The following ZNF438 variants were observed in gnomAD, a reference collection of about 807,000 sequenced individuals.
The protein encoded by ZNF438 is zinc finger protein 438.
Under a neutral mutation model 38.0 loss-of-function variants are expected in ZNF438, and 25 were observed. The ratio of observed to expected loss-of-function variants is 0.66; its 90% confidence interval spans 0.48 to 0.92. The LOEUF is 0.92. ZNF438 is among the 40% of genes least tolerant of loss of function. The probability of loss-of-function intolerance (pLI) is 0.00; values close to 1 mark genes in which losing one functional copy is unlikely to be tolerated. For synonymous variants in ZNF438, 372 were observed against 364.1 expected, an observed-to-expected ratio of 1.02 and a Z score of -0.25; for missense variants, 1,007 against 999.6, an observed-to-expected ratio of 1.01 and a Z score of -0.10.
intron 4 of ZNF438, among the ~76,000 whole-genome samples, chr10:30,854,156 A>G (rs182588965): frequency 0.037 from 5,586 of 152,132 alleles, 158 homozygotes; most frequent in Non-Finnish European, 0.061. Flanking sequence ...CGTCTCTACT[A>G]AAAATACAAA....
At chr10:30,915,744 A>G (rs984627946) in intron 2 of ZNF438, among the ~76,000 whole-genome samples, 5 of 152,212 alleles carry the variant, frequency 3.3e-5, no homozygotes, top group Middle Eastern at 3.4e-3. Context: ...TGAAGTTGCA[A>G]GAAAATATAT....
At chr10:30,995,139 A>G (rs377295931) in intron 1 of ZNF438, among the ~76,000 whole-genome samples, 28 of 152,282 alleles carry the variant, frequency 1.8e-4, no homozygotes, top group Admixed American at 1.3e-3. Context: ...GAATCTACAC[A>G]TCCCCCAAGG....
At chr10:30,951,183 T>A (rs2048146614) in intron 1 of ZNF438, among the ~76,000 whole-genome samples, 1 of 151,548 alleles carries the variant, frequency 6.6e-6, no homozygotes, top group East Asian at 1.9e-4. Context: ...AAAAAGCCTT[T>A]GACAAAATTC....
intron 2 of ZNF438, among the ~76,000 whole-genome samples, chr10:30,912,051 A>G (rs2043135401): frequency 6.6e-6 from 1 of 152,096 alleles, no homozygotes; most frequent in Non-Finnish European, 1.5e-5. Flanking sequence ...TTTTAAACAA[A>G]CCCTAGTCTC....
chr10:31,023,408 A>G (rs1476108193), intron 1 of ZNF438, among the ~76,000 whole-genome samples: 1 of 152,222 alleles, frequency 6.6e-6, no homozygotes, highest in Non-Finnish European at 1.5e-5. Flanking sequence ...ATTTCCACAA[A>G]TAATATATTA....
intron 3 of ZNF438, among the ~76,000 whole-genome samples, chr10:30,883,274 T>C (rs2039510476): frequency 6.6e-6 from 1 of 152,180 alleles, no homozygotes; most frequent in African/African-American, 2.4e-5. Flanking sequence ...TGTATTATAG[T>C]TGGTACAAAC....
intron 1 of ZNF438, among the ~76,000 whole-genome samples, chr10:30,977,386 G>A (rs886836050): frequency 3.3e-5 from 5 of 152,202 alleles, no homozygotes; most frequent in African/African-American, 4.8e-5. Context: ...GGTGACAGGG[G>A]AAGGTGTGTT....
At chr10:30,876,974 AT>A in intron 4 of ZNF438, 23 bp downstream of exon 5, 2 of 1,597,850 alleles carry the variant, frequency 1.3e-6, no homozygotes. Context: ...ACTCATCACC[AT>A]TTTCCTCAGC....
intron 1 of ZNF438, among the ~76,000 whole-genome samples, chr10:30,987,465 C>T (rs149574419): frequency 1.2e-4 from 18 of 151,858 alleles, no homozygotes; most frequent in Admixed American, 9.8e-4. Context: ...ATCAACATAA[C>T]GGATGATTTT....
chr10:30,849,981 G>A lies in ZNF438; in HGVS notation c.424C>T (p.Pro142Ser), dbSNP rs1003844607. 9 of 1,614,006 alleles carry A rather than the reference G, an allele frequency of 5.6e-6. No homozygotes were observed. Among genetic ancestry groups the A allele is most frequent in the Non-Finnish European group, 7.6e-6 (9 of 1,180,008 alleles). Residue 142 changes from proline to serine, a missense_variant, in exon 5 of 6, where the codon CCT (proline) becomes TCT (serine). Transcript: ENST00000413025. Reference sequence around the variant, plus strand: ...GGAGCTTTGCTACAGCCACTCTTAGGAAAGATCAGGATGGGTTTCTTTCTT... The same window carrying A: ...GGAGCTTTGCTACAGCCACTCTTAGAAAAGATCAGGATGGGTTTCTTTCTT...
chr10:31,011,875 T>C (rs1292434709), intron 1 of ZNF438, among the ~76,000 whole-genome samples: 3 of 152,222 alleles, frequency 2.0e-5, no homozygotes, highest in Non-Finnish European at 2.9e-5. Flanking sequence ...AATAGAATCC[T>C]AGGTCCTTAT....
chr10:30,963,495 C>T (rs903462628), intron 1 of ZNF438, among the ~76,000 whole-genome samples: 87 of 151,536 alleles, frequency 5.7e-4, no homozygotes, highest in African/African-American at 2.1e-3. Flanking sequence ...CACCTATCTA[C>T]GTGTAAAAAA....
chr10:31,028,856 T>C (rs959921151), intron 1 of ZNF438, among the ~76,000 whole-genome samples: 2 of 152,082 alleles, frequency 1.3e-5, no homozygotes, highest in Non-Finnish European at 2.9e-5. Context: ...GAACCTACAG[T>C]GGGGAATACC....
At chr10:30,853,858 G>T (rs1490351651) in intron 4 of ZNF438, among the ~76,000 whole-genome samples, 1 of 152,168 alleles carries the variant, frequency 6.6e-6, no homozygotes, top group Non-Finnish European at 1.5e-5. Flanking sequence ...AGCCGAGTGT[G>T]GTGGCAAGTG....
rs571433180 is a variant in ZNF438 at position 30,988,378 on chromosome 10, A to G, written c.-192+43455T>C. 3.9e-5 allele frequency among the ~76,000 whole-genome samples: 6 copies of G among 152,264 alleles called. No individual in the cohort carries two copies. In the South Asian group the frequency reaches 1.2e-3, roughly 32 times the overall value. On this transcript the variant is annotated intron_variant, in intron 1 of 5. Coordinates refer to ENST00000413025, the Ensembl canonical transcript of ZNF438. The stretch of plus-strand genomic sequence containing the variant: ...GACTACAATTTTATGAAGCAATTAA[A>G]GATAAAATACAACCGTATTTTTAAA...
chr10:30,850,564 T>C (rs2033413114), intron 4 of ZNF438, among the ~76,000 whole-genome samples, 197 bp from the exon 6 acceptor site: 1 of 152,208 alleles, frequency 6.6e-6, no homozygotes, highest in African/African-American at 2.4e-5. Context: ...ATTTCTATAC[T>C]TATCTATGGT....
At chr10:30,975,157 A>T (rs917812613) in intron 1 of ZNF438, among the ~76,000 whole-genome samples, 1 of 152,224 alleles carries the variant, frequency 6.6e-6, no homozygotes, top group African/African-American at 2.4e-5. Context: ...CAACTGCTAC[A>T]GAGTTCTTCC....
intron 2 of ZNF438, among the ~76,000 whole-genome samples, chr10:30,912,307 C>T (rs2043164518): frequency 6.6e-6 from 1 of 152,132 alleles, no homozygotes; most frequent in Admixed American, 6.6e-5. Flanking sequence ...TCTTACTGGA[C>T]ATGTTAGCAG....
At chr10:30,924,841 G>T (rs1045788276) in intron 2 of ZNF438, among the ~76,000 whole-genome samples, 1 of 152,134 alleles carries the variant, frequency 6.6e-6, no homozygotes, top group African/African-American at 2.4e-5. Flanking sequence ...GAAAGTATCA[G>T]TAGAAAAACT....
Sources: allele counts gnomAD v4.1 joint callset (sites outside exome capture counted in the v4.1 genomes callset), GRCh38; gene constraint gnomAD v4.1.1; transcripts MANE v1.5; gene names NCBI Gene and HGNC (gene_info 2026-07-23, HGNC 2026-07-21).